The following PCDHGA9 variants were observed in gnomAD, a reference collection of about 807,000 sequenced individuals.
The protein encoded by PCDHGA9 is protocadherin gamma-A9.
In PCDHGA9, 37 loss-of-function variants were observed where a neutral mutation model predicts 62.5. The ratio of observed to expected loss-of-function variants is 0.59; its 90% confidence interval spans 0.46 to 0.78. The LOEUF (loss-of-function observed/expected upper bound fraction) is 0.78, where lower values mean the gene tolerates loss of function less well. Among genes scored for constraint, PCDHGA9 ranks in the 30% least tolerant of loss-of-function variants. The probability of loss-of-function intolerance (pLI) is 0.00; values close to 1 mark genes in which losing one functional copy is unlikely to be tolerated. For missense variants in PCDHGA9, 1,138 were observed against 1,166.2 expected (o/e 0.98, Z 0.35); for synonymous variants, 459 against 484.6 (o/e 0.95, Z 0.69).
intron 3 of PCDHGA9, among the ~76,000 whole-genome samples, chr5:141,506,189 G>A (rs529165145): frequency 3.6e-4 from 55 of 152,262 alleles, no homozygotes; most frequent in African/African-American, 1.1e-3. Flanking sequence ...GGTGGCTCAC[G>A]CCTGTAATCC....
chr5:141,438,658 G>GTA (rs2098048375), intron 1 of PCDHGA9, among the ~76,000 whole-genome samples: 7 of 77,996 alleles, frequency 9.0e-5, no homozygotes, highest in African/African-American at 1.9e-4. Flanking sequence ...ACACATATAT[G>GTA]TATATATATA....
At chr5:141,415,264 C>G (rs1342050986) in intron 1 of PCDHGA9, 2 of 1,614,210 alleles carry the variant, frequency 1.2e-6, no homozygotes, top group Non-Finnish European at 1.7e-6. Flanking sequence ...CACTCTGTAC[C>G]TGGTGGTAGC....
chr5:141,434,253 G>C (rs979768901), intron 1 of PCDHGA9, among the ~76,000 whole-genome samples: 9 of 152,198 alleles, frequency 5.9e-5, no homozygotes, highest in Non-Finnish European at 1.3e-4. Flanking sequence ...CTTGGGCATT[G>C]TGGGGGAGGT....
intron 1 of PCDHGA9, among the ~76,000 whole-genome samples, chr5:141,470,694 ATAATTT>A (rs2099236876): frequency 6.6e-6 from 1 of 151,978 alleles, no homozygotes; most frequent in African/African-American, 2.4e-5. Context: ...GAAATTCTTA[ATAATTT>A]TTATTTTATT....
Position 141,477,858 on chromosome 5 carries a change from C to T in PCDHGA9, c.2425-16949C>T. 2 of 1,613,572 alleles carry T rather than the reference C, an allele frequency of 1.2e-6. No individual in the cohort carries two copies. Among genetic ancestry groups the T allele is most frequent in the Non-Finnish European group, 1.7e-6 (2 of 1,179,842 alleles). ...GGTGGGAGCTCGGTGGAGATGCTGC[C>T]TCGAGGTACCTCAGCTGGCCACCTA... On this transcript the variant is annotated intron_variant, in intron 1 of 3. Transcript: ENST00000573521. This position sits in a 1 kb window ranked among gnomAD's most constrained non-coding sequence, Gnocchi z 4.9.
chr5:141,406,434 A>G (rs1203599965), intron 1 of PCDHGA9, among the ~76,000 whole-genome samples: 1 of 152,238 alleles, frequency 6.6e-6, no homozygotes, highest in Non-Finnish European at 1.5e-5. Context: ...TATTGCTTCT[A>G]TTCTTCCATT....
chr5:141,419,393 G>T (rs1226844501), intron 1 of PCDHGA9: 2 of 1,613,620 alleles, frequency 1.2e-6, no homozygotes, highest in Non-Finnish European at 1.7e-6. Context: ...CGCGCAGAGC[G>T]GGGTGGTGTT....
chr5:141,403,649 T>A lies in PCDHGA9; in HGVS notation c.697T>A (p.Leu233Met). The A allele has an allele frequency of 4.3e-6, 7 of 1,613,874 alleles. No homozygotes were observed. The highest frequency in any genetic ancestry group is 5.9e-6 in the Non-Finnish European group (7 of 1,179,882). Residue 233 changes from leucine to methionine, a missense_variant, in exon 1 of 4, where the codon TTG (leucine) becomes ATG (methionine). Transcript: ENST00000573521. Reference protein sequence around the residue: ...SSTVRIHVTVLDTNDNAPVFA... With the variant: ...SSTVRIHVTVMDTNDNAPVFA... ...CACAGTGCGCATCCATGTGACAGTG[T>A]TGGATACAAATGATAATGCCCCGGT... is the stretch of plus-strand genomic sequence containing the variant.
chr5:141,473,479 G>GA (rs150184379), intron 1 of PCDHGA9, among the ~76,000 whole-genome samples: 6,877 of 152,218 alleles, frequency 0.045, 184 homozygotes, highest in Middle Eastern at 0.088. Flanking sequence ...AAGTTCAATG[G>GA]AAAAAATATA....
At chr5:141,433,215 T>A (rs755571112) in intron 1 of PCDHGA9, 1 of 1,568,720 alleles carries the variant, frequency 6.4e-7, no homozygotes, top group South Asian at 1.2e-5. Flanking sequence ...TTTCTTTTTT[T>A]TTTTTAATTG....
In PCDHGA9 at chr5:141,491,091, A is replaced by T; in HGVS notation, c.2425-3716A>T. ...TGTTGCCACAGTCCACAGCCCCAGG[A>T]CTGTTCCTCGTGTCTACACACACTG... On this transcript the variant is annotated intron_variant, in intron 1 of 3. Transcript: ENST00000573521. This position sits in a 1 kb window ranked among gnomAD's most constrained non-coding sequence, Gnocchi z 6.9. The T allele has an allele frequency of 6.2e-7, 1 of 1,614,032 alleles. No individual in the cohort carries two copies. Among genetic ancestry groups the T allele is most frequent in the Non-Finnish European group, 8.5e-7 (1 of 1,180,000 alleles).
chr5:141,488,552 A>C (rs993681273), intron 1 of PCDHGA9, among the ~76,000 whole-genome samples: 1 of 152,194 alleles, frequency 6.6e-6, no homozygotes, highest in African/African-American at 2.4e-5. Context: ...GTCAGCTGAC[A>C]TTGAGATTTC....
At chr5:141,410,849 C>CTTGTTTTTTTTTTTTTTT (rs2095431880) in intron 1 of PCDHGA9, 1 of 129,786 alleles carries the variant, frequency 7.7e-6, no homozygotes, top group African/African-American at 6.0e-5. Context: ...TTGTCTTTGT[C>CTTGTTTTTTTTTTTTTTT]TTTTTTTTTT....
intron 1 of PCDHGA9, among the ~76,000 whole-genome samples, chr5:141,447,779 A>T (rs770299374): frequency 2.0e-5 from 3 of 152,210 alleles, no homozygotes; most frequent in Non-Finnish European, 4.4e-5. Flanking sequence ...ACTTTAATTG[A>T]AAATAAATTT....
At chr5:141,422,206 G>C (rs1269700250) in intron 1 of PCDHGA9, 2 of 1,562,442 alleles carry the variant, frequency 1.3e-6, no homozygotes, top group East Asian at 4.5e-5. Context: ...AGATGGTGGA[G>C]GTCTCTTTAC....
Position 141,403,432 on chromosome 5 carries a change from G to A in PCDHGA9, c.480G>A (p.Pro160=). The part of the protein sequence containing the change: ...ARYPLPEAID[P]DVGVNSLQSY... Reference sequence around the variant, plus strand: ...ATCCACTTCCAGAAGCTATTGATCCGGATGTTGGCGTGAACTCCCTCCAGA... The same window carrying A: ...ATCCACTTCCAGAAGCTATTGATCCAGATGTTGGCGTGAACTCCCTCCAGA... The change falls in exon 1 of 4, where the codon CCG becomes CCA. Residue 160 remains proline, a synonymous_variant. Coordinates refer to ENST00000573521, the MANE Select transcript of PCDHGA9 (RefSeq NM_018921.3). 2 of 1,614,018 alleles carry A rather than the reference G, an allele frequency of 1.2e-6. No homozygotes were observed. Among genetic ancestry groups the A allele is most frequent in the Non-Finnish European group, 1.7e-6 (2 of 1,179,896 alleles).
At chr5:141,439,506 C>G (rs2098117403) in intron 1 of PCDHGA9, among the ~76,000 whole-genome samples, 1 of 152,234 alleles carries the variant, frequency 6.6e-6, no homozygotes, top group Non-Finnish European at 1.5e-5. Flanking sequence ...GTCTTTCTCT[C>G]TGCTCTCAAC....
intron 1 of PCDHGA9, chr5:141,417,493 G>A (rs1463793261): frequency 4.7e-6 from 1 of 214,978 alleles, no homozygotes; most frequent in East Asian, 1.1e-4. Context: ...GAATCACTGA[G>A]GAAAAAGATT....
At chr5:141,409,988 GCCGACT>G in intron 1 of PCDHGA9, 1 of 1,613,278 alleles carries the variant, frequency 6.2e-7, no homozygotes, top group East Asian at 2.2e-5. Context: ...AGCGGTGGAC[GCCGACT>G]CGGGACACAA....
Sources: gnomAD v4.1 joint callset for allele counts (sites outside exome capture counted in the v4.1 genomes callset) on GRCh38, gnomAD v4.1.1 for gene constraint, Gnocchi (gnomAD v3.1) non-coding constraint, MANE v1.5 for transcripts, NCBI Gene and HGNC (gene_info 2026-07-23, HGNC 2026-07-21) for gene names.